PCSK5: variants seen among roughly 807,000 people sequenced by gnomAD.
The protein encoded by PCSK5 is prohormone convertase 5.
Under a neutral mutation model 233.2 loss-of-function variants are expected in PCSK5, and 129 were observed. The observed-to-expected ratio is 0.55, with a 90% CI of 0.48 to 0.64. PCSK5 has a LOEUF of 0.64. PCSK5 is among the 30% of genes least tolerant of loss of function. The pLI, the probability that PCSK5 is intolerant of heterozygous loss-of-function variation, is 0.00. For synonymous variants in PCSK5, 825 were observed against 879.2 expected (o/e 0.94, Z 1.09); for missense variants, 2,076 against 2,430.1 (o/e 0.85, Z 3.06).
chr9:76,102,914 C>A (rs75378873), intron 8 of PCSK5, among the ~76,000 whole-genome samples: 1 of 152,296 alleles, frequency 6.6e-6, no homozygotes, highest in East Asian at 1.9e-4. Flanking sequence ...TGGAACTGAG[C>A]TGAACATTAT....
chr9:76,178,729 A>C lies in PCSK5; in HGVS notation c.1901-867A>C, dbSNP rs544033084. Among the ~76,000 whole-genome samples, 3 of 152,332 alleles carry C rather than the reference A, an allele frequency of 2.0e-5. No individual in the cohort carries two copies. In the South Asian group the frequency reaches 6.2e-4, roughly 32 times the overall value. ...TTTATTGCTAGTTAAAATCATATGAATTTTCAGTGGGAAAGAGTTTGCAGA... is the reference window on the plus strand; with the variant it reads ...TTTATTGCTAGTTAAAATCATATGACTTTTCAGTGGGAAAGAGTTTGCAGA... On this transcript the variant is annotated intron_variant, in intron 14 of 37. Transcript: ENST00000674117.
At chr9:76,249,624 A>T (rs1414875779) in intron 24 of PCSK5, among the ~76,000 whole-genome samples, 2 of 152,192 alleles carry the variant, frequency 1.3e-5, no homozygotes, top group African/African-American at 4.8e-5. Flanking sequence ...TCCTTAGAGA[A>T]TTGGCTGATT....
In PCSK5 at chr9:75,934,807, C is replaced by A. The variant is rs574146059; in HGVS notation, c.297+2324C>A. Among the ~76,000 whole-genome samples the A allele has an allele frequency of 4.6e-5, 7 of 152,076 alleles. No homozygotes were observed. The South Asian group carries it at 1.5e-3, about 32-fold the overall frequency. ...ATGCTGGCTAGCGACCTCAAGTGGTCTGCCTGACCTCAAGTGATCTGCCCG... is the reference window on the plus strand; with the variant it reads ...ATGCTGGCTAGCGACCTCAAGTGGTATGCCTGACCTCAAGTGATCTGCCCG... On this transcript the variant is annotated intron_variant, in intron 2 of 37. Coordinates refer to ENST00000674117, the MANE Select transcript of PCSK5 (RefSeq NM_001372043.1).
Position 76,107,238 on chromosome 9 carries a change from C to T in PCSK5, c.1108-13C>T. On this transcript the variant is annotated splice_polypyrimidine_tract_variant and intron_variant, in intron 8 of 37. Transcript: ENST00000674117. ...TGGCCTCAGAAATCTAAACTTTTCA[C>T]TTTGTTTTCCAGATCACTACAGATC... The T allele has an allele frequency of 6.3e-7, 1 of 1,579,254 alleles. No individual in the cohort carries two copies. Among genetic ancestry groups the T allele is most frequent in the African/African-American group, 1.4e-5 (1 of 74,062 alleles).
chr9:76,177,249 G>A (rs1417827947), intron 14 of PCSK5, among the ~76,000 whole-genome samples: 4 of 151,944 alleles, frequency 2.6e-5, no homozygotes, highest in South Asian at 2.1e-4. Flanking sequence ...AGCCGGGATC[G>A]TGCCACTTCA....
chr9:76,334,767 G>A (rs2803437), intron 34 of PCSK5, among the ~76,000 whole-genome samples: 104,175 of 151,910 alleles, frequency 0.69, 36,450 homozygotes, highest in South Asian at 0.8. Flanking sequence ...AGGAAGAAAG[G>A]GCCCTGCCAG....
chr9:76,328,495 C>T (rs558026188), intron 33 of PCSK5, among the ~76,000 whole-genome samples: 1 of 152,298 alleles, frequency 6.6e-6, no homozygotes, highest in South Asian at 2.1e-4. Context: ...CTCTCTCCCC[C>T]CTTCTCACTC....
At chr9:76,088,810 T>A (rs1266546964) in intron 7 of PCSK5, among the ~76,000 whole-genome samples, 3 of 152,166 alleles carry the variant, frequency 2.0e-5, no homozygotes, top group African/African-American at 7.2e-5. Flanking sequence ...TATCAAAAAG[T>A]TATTTAAATT....
At chr9:76,014,087 G>T (rs1827846327) in intron 3 of PCSK5, among the ~76,000 whole-genome samples, 1 of 151,506 alleles carries the variant, frequency 6.6e-6, no homozygotes, top group South Asian at 2.1e-4. Flanking sequence ...TAGAGAGGAG[G>T]CAGAGGTTTC....
intron 10 of PCSK5, among the ~76,000 whole-genome samples, chr9:76,137,500 CT>C (rs1431413821): frequency 6.6e-6 from 1 of 152,020 alleles, no homozygotes; most frequent in Non-Finnish European, 1.5e-5. Flanking sequence ...ATTAAAATAT[CT>C]TTTCTGGTAG....
At chr9:75,970,082 A>C (rs1211959013) in intron 2 of PCSK5, among the ~76,000 whole-genome samples, 3 of 152,104 alleles carry the variant, frequency 2.0e-5, no homozygotes, top group African/African-American at 7.2e-5. Flanking sequence ...CATGTTGGCC[A>C]GGCTGGTCTT....
At chr9:76,292,760 CA>C (rs1401878093) in intron 25 of PCSK5, among the ~76,000 whole-genome samples, 1 of 152,170 alleles carries the variant, frequency 6.6e-6, no homozygotes, top group Admixed American at 6.5e-5. Flanking sequence ...ACTCTAAAAA[CA>C]ATCCACAAAA....
intron 10 of PCSK5, 57 bp from the exon 11 acceptor site, chr9:76,156,988 C>A: frequency 8.6e-7 from 1 of 1,161,274 alleles, no homozygotes; most frequent in Non-Finnish European, 1.3e-6. Context: ...TACTGAGTGA[C>A]GTTATAATTT....
chr9:75,908,875 TTATCTATCTATC>T (rs58985562), intron 1 of PCSK5, among the ~76,000 whole-genome samples: 247 of 116,092 alleles, frequency 2.1e-3, no homozygotes, highest in South Asian at 0.014. Flanking sequence ...CTCTTTCTAT[TTATCTATCTATC>T]TATCTATCTA....
chr9:76,066,040 T>C (rs2131592479), intron 5 of PCSK5, among the ~76,000 whole-genome samples: 1 of 152,350 alleles, frequency 6.6e-6, no homozygotes, highest in African/African-American at 2.4e-5. Flanking sequence ...CCATGCTGTT[T>C]TGGTTTCTAC....
chr9:76,021,325 G>A (rs1296682248), intron 3 of PCSK5, among the ~76,000 whole-genome samples: 1 of 151,984 alleles, frequency 6.6e-6, no homozygotes, highest in Non-Finnish European at 1.5e-5. Context: ...GAGAGAGAGG[G>A]AGAGACACAG....
In PCSK5 at chr9:76,239,177, C is replaced by G. The variant is rs770606199; in HGVS notation, c.3073+12C>G. ...AGAGTGTGGACAAGGTAAGCCTGCT[C>G]CTGGGCCCTTGCCCAGCACCCGAAC... On this transcript the variant is annotated intron_variant, in intron 23 of 37. Coordinates refer to ENST00000674117, the MANE Select transcript of PCSK5 (RefSeq NM_001372043.1). The G allele has an allele frequency of 1.3e-6, 2 of 1,561,212 alleles. No homozygotes were observed. Among genetic ancestry groups the G allele is most frequent in the East Asian group, 2.4e-5 (1 of 41,966 alleles).
At chr9:76,316,625 C>A (rs113393541) in intron 30 of PCSK5, among the ~76,000 whole-genome samples, 2 of 150,410 alleles carry the variant, frequency 1.3e-5, no homozygotes, top group African/African-American at 4.9e-5. Flanking sequence ...GTAGTCCTAG[C>A]TACTCAGGAG....
chr9:76,102,551 G>A (rs925953006), intron 8 of PCSK5, among the ~76,000 whole-genome samples: 3 of 152,116 alleles, frequency 2.0e-5, no homozygotes, highest in African/African-American at 7.2e-5. Context: ...AGCATTTCAA[G>A]TTTTCAGATT....
Sources: gnomAD v4.1 joint callset for allele counts (sites outside exome capture counted in the v4.1 genomes callset) on GRCh38, gnomAD v4.1.1 for gene constraint, MANE v1.5 for transcripts, NCBI Gene and HGNC (gene_info 2026-07-23, HGNC 2026-07-21) for gene names.